The following DYSF variants were observed in gnomAD, a reference collection of about 807,000 sequenced individuals.
DYSF encodes dysferlin.
Under a neutral mutation model 274.9 loss-of-function variants are expected in DYSF, and 212 were observed. That is an observed-to-expected ratio of 0.77 (90% CI 0.69 to 0.86). DYSF has a LOEUF of 0.86. Ranked by LOEUF, DYSF falls within the 40% of genes least tolerant of loss-of-function variation. DYSF has a pLI of 0.00. For synonymous variants in DYSF, 1,091 were observed against 1,078.7 expected, an observed-to-expected ratio of 1.01 and a Z score of -0.22; for missense variants, 2,666 against 2,783.2, an observed-to-expected ratio of 0.96 and a Z score of 0.95.
chr2:71,579,317 T>C (rs978639993), intron 30 of DYSF, among the ~76,000 whole-genome samples: 7 of 152,212 alleles, frequency 4.6e-5, no homozygotes, highest in Non-Finnish European at 7.4e-5. Flanking sequence ...CTGAGATGCC[T>C]GGGCCTGGCA....
rs145007061 is a variant in DYSF at position 71,556,002 on chromosome 2, C to T, written c.2147C>T (p.Ala716Val). The T allele has an allele frequency of 1.6e-4, 246 of 1,574,000 alleles. No homozygotes were observed. In the African/African-American group the frequency reaches 2.3e-3, roughly 15 times the overall value. ...GAGCAGGTCCACCTGGCCCTGAAGG[C>T]GCAGTGCTCCACGGAGGACGTGGAC... is the stretch of plus-strand genomic sequence containing the variant. ...GLEQVHLALK[A>V]QCSTEDVDSL... is the part of the protein sequence containing the mutation. Residue 716 changes from alanine to valine, a missense_variant, in exon 22 of 56, where the codon GCG (alanine) becomes GTG (valine). Ala to Val is a moderately conservative substitution (Grantham distance 64, BLOSUM62 0). Around this residue, in one of 3 missense-constraint regions of DYSF, gnomAD observed 412 missense variants for 504.0 expected, o/e 0.82. Transcript: ENST00000410020.
chr2:71,526,034 C>G (rs1345823547), intron 12 of DYSF, among the ~76,000 whole-genome samples, 186 bp from the exon 13 acceptor site: 1 of 152,212 alleles, frequency 6.6e-6, no homozygotes, highest in African/African-American at 2.4e-5. Context: ...CTCTGCTGTA[C>G]TCAAGAGGAA....
At chr2:71,679,264 A>G (rs2095265222) in intron 53 of DYSF, 29 bp downstream of exon 53, 2 of 1,608,310 alleles carry the variant, frequency 1.2e-6, no homozygotes, top group Non-Finnish European at 1.7e-6. Context: ...GCCCCAGTGG[A>G]GGGCATGGGG....
chr2:71,659,389 G>C (rs576915512), intron 44 of DYSF, among the ~76,000 whole-genome samples: 1 of 152,282 alleles, frequency 6.6e-6, no homozygotes, highest in East Asian at 1.9e-4. Context: ...TGTGTGTCTA[G>C]AACAAGAATA....
At chr2:71,516,837 C>T (rs2152736446) in intron 9 of DYSF, 152 bp from the exon 10 acceptor site, 1 of 767,508 alleles carries the variant, frequency 1.3e-6, no homozygotes, top group Non-Finnish European at 2.4e-6. Flanking sequence ...TGATGGGGTT[C>T]CTGTGAGGGC....
chr2:71,513,214 G>A (rs1368527637), intron 5 of DYSF, 26 bp from the exon 6 acceptor site: 21 of 1,551,126 alleles, frequency 1.4e-5, no homozygotes, highest in Admixed American at 3.9e-5. Flanking sequence ...CTCCCCTCCC[G>A]GGGTTATGCC....
In DYSF at chr2:71,553,892, C is replaced by T. The variant is rs746480529; in HGVS notation, c.2070C>T (p.Ile690=). ...ACTGGGAGGACATCAGCCATAGAATCGAGACTCAGAACCAGCTGCTTGGGA... is the reference window on the plus strand; with the variant it reads ...ACTGGGAGGACATCAGCCATAGAATTGAGACTCAGAACCAGCTGCTTGGGA... ...SSYWEDISHR[I]ETQNQLLGIA... Residue 690 remains isoleucine (I), a synonymous_variant, in exon 21 of 56, where the codon ATC becomes ATT. Coordinates refer to ENST00000410020, the MANE Select transcript of DYSF (RefSeq NM_001130987.2). 3.2e-5 allele frequency: 51 copies of T among 1,614,014 alleles called. No homozygotes were observed. The Middle Eastern group carries it at 4.9e-4, about 16-fold the overall frequency.
intron 4 of DYSF, among the ~76,000 whole-genome samples, chr2:71,506,894 G>T (rs1170465609): frequency 6.6e-6 from 1 of 152,094 alleles, no homozygotes; most frequent in Non-Finnish European, 1.5e-5. Context: ...TCTCTGATGG[G>T]CAGCTAGAAG....
At chr2:71,468,024 G>A (rs866302447) in intron 1 of DYSF, among the ~76,000 whole-genome samples, 2 of 152,156 alleles carry the variant, frequency 1.3e-5, no homozygotes, top group South Asian at 2.1e-4. Flanking sequence ...ATTCTTTGCT[G>A]TGGGACAAGT....
At chr2:71,490,682 C>A (rs1418956460) in intron 3 of DYSF, among the ~76,000 whole-genome samples, 1 of 152,234 alleles carries the variant, frequency 6.6e-6, no homozygotes, top group Non-Finnish European at 1.5e-5. Context: ...TGTTTATACA[C>A]ATGCATACTC....
intron 52 of DYSF, among the ~76,000 whole-genome samples, 176 bp downstream of exon 52, chr2:71,674,472 A>G (rs2095185864): frequency 1.3e-5 from 2 of 152,226 alleles, no homozygotes; most frequent in Non-Finnish European, 2.9e-5. Context: ...TGTATGACAC[A>G]CAGCAGTGTC....
intron 44 of DYSF, 99 bp downstream of exon 44, chr2:71,659,132 T>C: frequency 6.6e-7 from 1 of 1,520,242 alleles, no homozygotes; most frequent in Non-Finnish European, 9.1e-7. Context: ...GAGTTCATAG[T>C]AGGTTGGGAA....
In DYSF at chr2:71,474,047, C is replaced by T. The variant is rs1000119632; in HGVS notation, c.92-6836C>T. On this transcript the variant is annotated intron_variant, in intron 1 of 55. Transcript: ENST00000410020. ...GTTCGAGTGATTCTCTTCCCTCAGC[C>T]TCCCGAGTAGCTGGGATTACAGGCA... is the stretch of plus-strand genomic sequence containing the variant. Among the ~76,000 whole-genome samples, 11 of 151,670 alleles carry T rather than the reference C, an allele frequency of 7.3e-5. No individual in the cohort carries two copies. In the South Asian group the frequency reaches 8.3e-4, roughly 11 times the overall value.
Position 71,611,543 on chromosome 2 carries a change from G to A in DYSF, c.4138G>A (p.Gly1380Arg). The change falls in exon 38 of 56, where the codon GGG becomes AGG. Residue 1380 changes from glycine to arginine, a missense_variant. By Grantham distance (125) the Gly-to-Arg change is moderately radical. Coordinates refer to ENST00000410020, the MANE Select transcript of DYSF (RefSeq NM_001130987.2). ...ISSPSLVVEC[G>R]GQTVQSCVIR... is the part of the protein sequence containing the mutation. ...CTCCCCCAGCCTCGTGGTAGAGTGTGGGGGCCAGACGGTGCAGTCCTGTGT... is the reference window on the plus strand; with the variant it reads ...CTCCCCCAGCCTCGTGGTAGAGTGTAGGGGCCAGACGGTGCAGTCCTGTGT... 1.2e-6 allele frequency: 2 copies of A among 1,614,148 alleles called. No homozygotes were observed. Among genetic ancestry groups the A allele is most frequent in the African/African-American group, 1.3e-5 (1 of 75,042 alleles).
chr2:71,631,269 T>C (rs1027924455), intron 41 of DYSF, among the ~76,000 whole-genome samples: 20 of 152,350 alleles, frequency 1.3e-4, no homozygotes, highest in African/African-American at 4.6e-4. Context: ...TTAACTTTAA[T>C]AACATTCATG....
chr2:71,470,729 CTTCCTTCT>C (rs1397061868), intron 1 of DYSF, among the ~76,000 whole-genome samples: 67 of 111,496 alleles, frequency 6.0e-4, no homozygotes, highest in Middle Eastern at 6.0e-3. Flanking sequence ...TCTTTCCTTC[CTTCCTTCT>C]TTCCTTCCTT....
intron 45 of DYSF, among the ~76,000 whole-genome samples, chr2:71,661,693 G>A (rs897413765): frequency 3.3e-5 from 5 of 152,280 alleles, no homozygotes; most frequent in African/African-American, 9.6e-5. Context: ...GCAGAGGGAG[G>A]GTGGCAGCTA....
intron 1 of DYSF, among the ~76,000 whole-genome samples, chr2:71,467,769 A>C (rs1401494884): frequency 3.3e-5 from 5 of 152,196 alleles, no homozygotes; most frequent in African/African-American, 1.2e-4. Flanking sequence ...GTTTCCACTT[A>C]GCCAGGAGCC....
In DYSF at chr2:71,515,657, CG is replaced by C; in HGVS notation, c.799del (p.Val267Ter). ...RVQVIEGRQL[P>X]GVNIKPVVKV... ...CAGGTGATCGAGGGGCGCCAGCTGC[CG>C]GGGGTGAACATCAAGCCTGTGGTCA... On this transcript the variant is annotated frameshift_variant, in exon 8 of 56. Coordinates refer to ENST00000410020, the MANE Select transcript of DYSF (RefSeq NM_001130987.2). LOFTEE classifies it high-confidence loss of function. 6.2e-7 allele frequency: 1 copy of C among 1,613,934 alleles called. No individual in the cohort carries two copies. Among genetic ancestry groups the C allele is most frequent in the Non-Finnish European group, 8.5e-7 (1 of 1,179,940 alleles).
Sources: allele counts gnomAD v4.1 joint callset (sites outside exome capture counted in the v4.1 genomes callset), GRCh38; gene constraint gnomAD v4.1.1; regional missense constraint gnomAD v4.1.1; transcripts MANE v1.5; gene names NCBI Gene and HGNC (gene_info 2026-07-23, HGNC 2026-07-21).